The following BANP variants were observed in gnomAD, a reference collection of about 807,000 sequenced individuals.
BANP encodes the protein protein BANP.
In BANP, 11 loss-of-function variants were observed where a neutral mutation model predicts 68.1. That is an observed-to-expected ratio of 0.16 (90% confidence interval 0.10 to 0.27). The LOEUF is 0.27. Ranked by LOEUF, BANP falls within the 10% of genes least tolerant of loss-of-function variation. The pLI is 1.00. For missense variants in BANP, 504 were observed against 722.7 expected (o/e 0.70, Z 3.47); for synonymous variants, 329 against 303.2 (o/e 1.09, Z -0.88).
chr16:87,981,866 G>A (rs1429894420), intron 3 of BANP, among the ~76,000 whole-genome samples: 1 of 152,154 alleles, frequency 6.6e-6, no homozygotes, highest in Non-Finnish European at 1.5e-5. Flanking sequence ...ATTATTTTTG[G>A]ATCTTTGAAT....
rs575753920 is a variant in BANP at position 87,953,034 on chromosome 16, G to A, written c.-69+1519G>A. Among the ~76,000 whole-genome samples the A allele has an allele frequency of 4.6e-5, 7 of 152,210 alleles. No individual in the cohort carries two copies. In the South Asian group the frequency reaches 1.2e-3, roughly 27 times the overall value. On this transcript the variant is annotated intron_variant, in intron 1 of 13. Coordinates refer to ENST00000682872, the MANE Select transcript of BANP (RefSeq NM_001386991.1). The stretch of plus-strand genomic sequence containing the variant: ...GCTTCCATTTGTGATTCCACGCTGC[G>A]TGGGGGCAGCTCAACATCTCGGGTG...
intron 12 of BANP, among the ~76,000 whole-genome samples, chr16:88,067,680 G>T (rs544583070): frequency 2.0e-5 from 3 of 149,858 alleles, no homozygotes; most frequent in Non-Finnish European, 3.0e-5. Context: ...TGCACCCCAC[G>T]GCGCTCACCC....
intron 4 of BANP, among the ~76,000 whole-genome samples, chr16:87,990,216 A>G (rs2065575306): frequency 6.6e-6 from 1 of 152,232 alleles, no homozygotes; most frequent in Non-Finnish European, 1.5e-5. Context: ...TTTATCTTTA[A>G]GAACATTAAA....
At chr16:88,054,592 C>T (rs866581240) in intron 11 of BANP, among the ~76,000 whole-genome samples, 8 of 151,832 alleles carry the variant, frequency 5.3e-5, no homozygotes, top group African/African-American at 1.9e-4. Context: ...ATCAACAGCA[C>T]CAGCACCAGC....
At chr16:88,014,593 T>C (rs1396316600) in intron 6 of BANP, among the ~76,000 whole-genome samples, 1 of 152,070 alleles carries the variant, frequency 6.6e-6, no homozygotes, top group East Asian at 1.9e-4. Flanking sequence ...CTAAGTGTGT[T>C]TGAGCACTGT....
intron 4 of BANP, among the ~76,000 whole-genome samples, chr16:87,995,257 C>G (rs897862388): frequency 3.3e-5 from 5 of 152,350 alleles, no homozygotes; most frequent in African/African-American, 9.6e-5. Context: ...GTGGGCTGCC[C>G]TGGCCTGGGG....
Position 87,984,211 on chromosome 16 carries a change from T to A in BANP, c.314T>A (p.Val105Glu). 6.2e-7 allele frequency: 1 copy of A among 1,607,184 alleles called. No homozygotes were observed. Among genetic ancestry groups the A allele is most frequent in the Non-Finnish European group, 8.5e-7 (1 of 1,176,138 alleles). The change falls in exon 4 of 14, where the codon GTG becomes GAG. Residue 105 changes from valine to glutamate, a missense_variant. Coordinates refer to ENST00000682872, the MANE Select transcript of BANP (RefSeq NM_001386991.1). ...KQHSPIQVPM[V>E]AGSPLGATQT... ...CACAGCCCCATCCAGGTCCCCATGGTGGCCGGCTCCCCTCTCGGGGCAACC... is the reference window on the plus strand; with the variant it reads ...CACAGCCCCATCCAGGTCCCCATGGAGGCCGGCTCCCCTCTCGGGGCAACC...
In BANP at chr16:88,076,752, G is replaced by A; in HGVS notation, c.*91G>A. 1 of 1,068,598 alleles carries A rather than the reference G, an allele frequency of 9.4e-7. No individual in the cohort carries two copies. The highest frequency in any genetic ancestry group is 1.3e-6 in the Non-Finnish European group (1 of 753,178). 66.2% of individuals were successfully genotyped at this position (1,068,598 alleles called of 1,614,324 possible). On this transcript the variant is annotated 3_prime_UTR_variant, in exon 14 of 14. Transcript: ENST00000682872. ...CTCTCACGGCCTCGGCACAGGCAGC[G>A]GCTGCACGTGTTCTGCTGAAGTGCG...
intron 4 of BANP, among the ~76,000 whole-genome samples, chr16:87,989,059 T>C (rs1346086440): frequency 6.6e-6 from 1 of 152,204 alleles, no homozygotes; most frequent in Non-Finnish European, 1.5e-5. Flanking sequence ...ATCCAGGTTT[T>C]TGGGTTCTAC....
intron 13 of BANP, among the ~76,000 whole-genome samples, chr16:88,073,426 G>A (rs955524644): frequency 7.2e-5 from 11 of 152,154 alleles, no homozygotes; most frequent in African/African-American, 1.4e-4. Context: ...CCATGGGCGC[G>A]GTGGCCCCCG....
At chr16:87,973,769 A>AG (rs2061549827) in intron 1 of BANP, among the ~76,000 whole-genome samples, 2 of 78,124 alleles carry the variant, frequency 2.6e-5, no homozygotes, top group South Asian at 7.0e-4. Flanking sequence ...AAAAAAAAAA[A>AG]AAAAAGAAAA....
At position 88,064,445 on chromosome 16, in the gene BANP, G is replaced by C. The variant is rs1219495075; in HGVS notation, c.1312-822G>C. Among the ~76,000 whole-genome samples the C allele has an allele frequency of 1.3e-5, 2 of 152,186 alleles. No individual in the cohort carries two copies. The highest frequency in any genetic ancestry group is 3.9e-4 in the East Asian group (2 of 5,186). ...GGACAGATGTGCGCATTCACTTAGGGTCCAAGAAATGAGTGGGCCTTGAAT... is the reference window on the plus strand; with the variant it reads ...GGACAGATGTGCGCATTCACTTAGGCTCCAAGAAATGAGTGGGCCTTGAAT... On this transcript the variant is annotated intron_variant, in intron 11 of 13. Coordinates refer to ENST00000682872, the MANE Select transcript of BANP (RefSeq NM_001386991.1). The surrounding 1 kb of genome is among the most constrained non-coding windows in gnomAD (Gnocchi z 4.5).
rs1421751244 is a variant in BANP at position 88,071,423 on chromosome 16, C to T, written c.1378-646C>T. ...GTCACCAGAGCCCACCCAGGGGCCT[C>T]GCCTGTCCCCCATTCTCATTCCATA... On this transcript the variant is annotated intron_variant, in intron 12 of 13. Coordinates refer to ENST00000682872, the MANE Select transcript of BANP (RefSeq NM_001386991.1). The surrounding 1 kb of genome is among the most constrained non-coding windows in gnomAD (Gnocchi z 6.5). 6 of 454,966 alleles carry T rather than the reference C, an allele frequency of 1.3e-5. No homozygotes were observed. Among genetic ancestry groups the T allele is most frequent in the South Asian group, 3.1e-5 (2 of 64,332 alleles). The allele number at this position is 454,966 out of a possible 1,614,324, so 28.2% of individuals were successfully genotyped here.
intron 1 of BANP, among the ~76,000 whole-genome samples, chr16:87,974,058 C>T (rs968232894): frequency 1.3e-5 from 2 of 152,168 alleles, no homozygotes; most frequent in African/African-American, 4.8e-5. Flanking sequence ...CAGAGCTGGG[C>T]ACAGGGTTTC....
chr16:88,050,243 G>A (rs1185010823), intron 11 of BANP, among the ~76,000 whole-genome samples: 1 of 152,198 alleles, frequency 6.6e-6, no homozygotes, highest in African/African-American at 2.4e-5. Context: ...TGCAGCCTCT[G>A]CCTCCCGGGC....
At chr16:88,015,883 T>G (rs1350828775) in intron 6 of BANP, among the ~76,000 whole-genome samples, 1 of 152,232 alleles carries the variant, frequency 6.6e-6, no homozygotes, top group Non-Finnish European at 1.5e-5. Context: ...GCAGCATCTG[T>G]GTGGGATCGA....
chr16:87,995,860 A>G (rs2067050901), intron 4 of BANP, among the ~76,000 whole-genome samples: 1 of 152,238 alleles, frequency 6.6e-6, no homozygotes, highest in African/African-American at 2.4e-5. Flanking sequence ...GGCCTTGTTC[A>G]TGCCGTGAGC....
intron 8 of BANP, among the ~76,000 whole-genome samples, chr16:88,028,922 A>G (rs2077536470): frequency 6.6e-6 from 1 of 152,216 alleles, no homozygotes; most frequent in Non-Finnish European, 1.5e-5. Context: ...AGGTAGTAGG[A>G]TAATTTTTAT....
chr16:88,026,869 G>A (rs555792968), intron 7 of BANP, among the ~76,000 whole-genome samples: 44 of 152,374 alleles, frequency 2.9e-4, no homozygotes, highest in African/African-American at 1.0e-3. Context: ...GAGGGGGACA[G>A]AGTAACAATA....
Sources: gnomAD v4.1 joint callset for allele counts (sites outside exome capture counted in the v4.1 genomes callset) on GRCh38, gnomAD v4.1.1 for gene constraint, Gnocchi (gnomAD v3.1) non-coding constraint, MANE v1.5 for transcripts, NCBI Gene and HGNC (gene_info 2026-07-23, HGNC 2026-07-21) for gene names.